UFD1: variants seen among roughly 807,000 people sequenced by gnomAD.
UFD1 encodes ubiquitin recognition factor in ER-associated degradation protein 1.
Under a neutral mutation model 45.9 loss-of-function variants are expected in UFD1, and 13 were observed. That is an observed-to-expected ratio of 0.28 (90% confidence interval 0.18 to 0.45). The LOEUF (loss-of-function observed/expected upper bound fraction) is 0.45, where lower values mean the gene tolerates loss of function less well. Among genes scored for constraint, UFD1 ranks in the 20% least tolerant of loss-of-function variants. The pLI is 1.00. For synonymous variants in UFD1, 128 were observed against 139.2 expected (o/e 0.92, Z 0.56); for missense variants, 218 against 389.2 (o/e 0.56, Z 3.70).
Position 19,475,519 on chromosome 22 carries a change from G to A in UFD1, c.87C>T (p.Ser29=). The change falls in exon 2 of 12, where the codon TCC becomes TCT. Residue 29 remains serine, a synonymous_variant. Coordinates refer to ENST00000263202, the MANE Select transcript of UFD1 (RefSeq NM_005659.7). The part of the protein sequence containing the change: ...FSTQYRCFSV[S]MLAGPNDRSD... ...ACCTGTCATTAGGCCCTGCTAGCAT[G>A]GACACAGAGAAGCAGCGGTACTGTG... 1 of 1,614,150 alleles carries A rather than the reference G, an allele frequency of 6.2e-7. No individual in the cohort carries two copies. Among genetic ancestry groups the A allele is most frequent in the Non-Finnish European group, 8.5e-7 (1 of 1,180,030 alleles).
chr22:19,462,604 T>G (rs752989491), intron 6 of UFD1, among the ~76,000 whole-genome samples: 6 of 151,958 alleles, frequency 3.9e-5, no homozygotes, highest in Admixed American at 6.6e-5. Flanking sequence ...CAGGAGGTGG[T>G]AGCTGCAGTG....
rs377249469 is a variant in UFD1, at chr22:19,479,090, G to A, written c.-5C>T. Reference sequence around the variant, plus strand: ...CTGCCCGTCAGCGCTTACCATGATGGACACCACCTGGCAGACTCCGCTCCT... The same window carrying A: ...CTGCCCGTCAGCGCTTACCATGATGAACACCACCTGGCAGACTCCGCTCCT... On this transcript the variant is annotated 5_prime_UTR_variant, in exon 1 of 12. Coordinates refer to ENST00000263202, the MANE Select transcript of UFD1 (RefSeq NM_005659.7). 201 of 1,611,668 alleles carry A rather than the reference G, an allele frequency of 1.2e-4. No individual in the cohort carries two copies. In the Middle Eastern group the frequency reaches 2.0e-3, roughly 16 times the overall value.
chr22:19,466,380 C>T (rs985235383), intron 5 of UFD1: 5 of 152,320 alleles, frequency 3.3e-5, no homozygotes, highest in African/African-American at 1.2e-4. Flanking sequence ...GCAGCACCAG[C>T]TTCCCACTTT....
intron 11 of UFD1, chr22:19,452,964 C>G: frequency 5.5e-6 from 5 of 912,068 alleles, no homozygotes; most frequent in Non-Finnish European, 6.6e-6. Context: ...TTGTGCCCAT[C>G]TTTGGGGAAA....
chr22:19,465,142 C>T, intron 6 of UFD1, 60 bp downstream of exon 6: 1 of 1,485,414 alleles, frequency 6.7e-7, no homozygotes, highest in Non-Finnish European at 9.4e-7. Context: ...CCCATTCAAA[C>T]ATTAGAATGG....
chr22:19,477,534 G>A (rs1169405121), intron 1 of UFD1, among the ~76,000 whole-genome samples: 1 of 152,172 alleles, frequency 6.6e-6, no homozygotes, highest in Non-Finnish European at 1.5e-5. Flanking sequence ...GGGCTGTGAG[G>A]AGCAGAAAAT....
intron 9 of UFD1, 171 bp downstream of exon 9, chr22:19,456,416 A>G: frequency 1.2e-6 from 1 of 813,170 alleles, no homozygotes. Flanking sequence ...GAGAGAGTGG[A>G]TACAAAAGGG....
chr22:19,475,942 A>T (rs2089878044), intron 1 of UFD1, among the ~76,000 whole-genome samples: 1 of 152,198 alleles, frequency 6.6e-6, no homozygotes, highest in South Asian at 2.1e-4. Context: ...TTGTTAATTG[A>T]AACATCTCTT....
chr22:19,463,663 C>A (rs5748218), intron 6 of UFD1, among the ~76,000 whole-genome samples: 128,977 of 152,244 alleles, frequency 0.85, 54,684 homozygotes, highest in South Asian at 0.92. Flanking sequence ...TAAGGGTTCC[C>A]GTTCAATCCT....
intron 5 of UFD1, 58 bp from the exon 6 acceptor site, chr22:19,465,332 G>C: frequency 6.8e-7 from 1 of 1,480,720 alleles, no homozygotes; most frequent in Non-Finnish European, 9.4e-7. Context: ...TCTGAAACAA[G>C]TTTCCATGTT....
At chr22:19,464,965 G>C (rs2089791374) in intron 6 of UFD1, among the ~76,000 whole-genome samples, 4 of 152,216 alleles carry the variant, frequency 2.6e-5, no homozygotes, top group Admixed American at 2.6e-4. Context: ...GTACACAGAG[G>C]TATGACTAAT....
chr22:19,458,214 G>C (rs2089738432), intron 6 of UFD1, 75 bp from the exon 7 acceptor site: 1 of 1,493,434 alleles, frequency 6.7e-7, no homozygotes, highest in Admixed American at 1.7e-5. Flanking sequence ...TGTTACTGTG[G>C]CTCTACTGGC....
At chr22:19,467,638 T>C in intron 5 of UFD1, 1 of 524,878 alleles carries the variant, frequency 1.9e-6, no homozygotes, top group South Asian at 2.3e-5. Context: ...AAGGGCTTCA[T>C]TGTGGTCTCC....
chr22:19,455,790 C>A, intron 9 of UFD1, 22 bp from the exon 10 acceptor site: 1 of 1,610,516 alleles, frequency 6.2e-7, no homozygotes, highest in South Asian at 1.1e-5. Flanking sequence ...GTAGGTGAGT[C>A]ATATAATAAG....
chr22:19,470,392 G>C (rs2089835326), intron 4 of UFD1, among the ~76,000 whole-genome samples: 1 of 152,166 alleles, frequency 6.6e-6, no homozygotes, highest in Admixed American at 6.5e-5. Flanking sequence ...GCATGGGCAA[G>C]GTCACCTGCT....
chr22:19,468,055 C>T (rs1311998699), intron 4 of UFD1, 52 bp from the exon 5 acceptor site: 3 of 1,608,126 alleles, frequency 1.9e-6, no homozygotes, highest in Admixed American at 1.7e-5. Flanking sequence ...GCAGCCTCCA[C>T]AACCACTGCT....
chr22:19,460,268 G>A (rs2089756691), intron 6 of UFD1, among the ~76,000 whole-genome samples: 1 of 152,058 alleles, frequency 6.6e-6, no homozygotes, highest in South Asian at 2.1e-4. Flanking sequence ...ATTCAAACAT[G>A]TCTCCTAGGG....
chr22:19,476,766 GGAGGCA>G (rs1345734113), intron 1 of UFD1, among the ~76,000 whole-genome samples: 1 of 151,912 alleles, frequency 6.6e-6, no homozygotes, highest in Non-Finnish European at 1.5e-5. Context: ...CAGCACTTTG[GGAGGCA>G]GAGGCAGGTG....
intron 1 of UFD1, 83 bp downstream of exon 1, chr22:19,479,000 T>TC: frequency 3.9e-5 from 58 of 1,478,012 alleles, no homozygotes; most frequent in Non-Finnish European, 4.9e-5. Flanking sequence ...TCCGCCGCCG[T>TC]CCCGCCCCGC....
Sources: gnomAD v4.1 joint callset for allele counts (sites outside exome capture counted in the v4.1 genomes callset) on GRCh38, gnomAD v4.1.1 for gene constraint, MANE v1.5 for transcripts, NCBI Gene and HGNC (gene_info 2026-07-23, HGNC 2026-07-21) for gene names.